Variants in LMCD1 observed in about 807,000 individuals in gnomAD.
LMCD1 encodes LIM and cysteine-rich domains protein 1.
LMCD1 carries 32 observed loss-of-function variants against 42.7 expected under a neutral mutation model. The ratio of observed to expected loss-of-function variants is 0.75; its 90% CI spans 0.57 to 1.01. The LOEUF (loss-of-function observed/expected upper bound fraction) is 1.01. Ranked by LOEUF, LMCD1 falls within the 50% of genes least tolerant of loss-of-function variation. LMCD1 has a pLI of 0.00. For synonymous variants in LMCD1, 178 were observed against 184.9 expected, an observed-to-expected ratio of 0.96 and a Z score of 0.30; for missense variants, 458 against 483.1, an observed-to-expected ratio of 0.95 and a Z score of 0.49.
intron 1 of LMCD1, among the ~76,000 whole-genome samples, chr3:8,519,431 G>T (rs1694158711): frequency 6.6e-6 from 1 of 152,198 alleles, no homozygotes; most frequent in Admixed American, 6.5e-5. Flanking sequence ...AAGTAACTTG[G>T]CTTCTGTAGT....
intron 1 of LMCD1, among the ~76,000 whole-genome samples, chr3:8,502,370 AATATAT>A (rs60769903): frequency 1.5e-5 from 1 of 66,020 alleles, no homozygotes; most frequent in Non-Finnish European, 2.9e-5. Context: ...TATTATATAA[AATATAT>A]ATAATATATA....
chr3:8,565,721 G>A (rs538530949), intron 5 of LMCD1, 74 bp downstream of exon 5: 7 of 1,369,480 alleles, frequency 5.1e-6, no homozygotes, highest in Non-Finnish European at 7.1e-6. Context: ...AGGCCAAGAG[G>A]AGCATGGCTT....
intron 4 of LMCD1, chr3:8,550,510 C>G: frequency 1.0e-6 from 1 of 985,052 alleles, no homozygotes; most frequent in South Asian, 4.7e-5. Flanking sequence ...AACCTGCATC[C>G]TCCATCTCCA....
chr3:8,539,218 AG>A (rs1457215444), intron 3 of LMCD1, among the ~76,000 whole-genome samples: 2 of 152,190 alleles, frequency 1.3e-5, no homozygotes, highest in African/African-American at 4.8e-5. Context: ...CTGTTGCCTT[AG>A]GGGGGAAAAT....
intron 4 of LMCD1, among the ~76,000 whole-genome samples, chr3:8,552,866 G>A (rs1377792914): frequency 1.3e-4 from 20 of 152,184 alleles, no homozygotes; most frequent in Admixed American, 1.3e-3. Context: ...TGGGACTACA[G>A]GCACCTGCCA....
In LMCD1 at chr3:8,551,744, CT is replaced by C. The variant is rs1694843381; in HGVS notation, c.723+2842del. On this transcript the variant is annotated intron_variant, in intron 4 of 5. Transcript: ENST00000157600. ...CCATTAGGAGTGGGTGTGGGCTGCA[CT>C]CCCTGACCCGTCTGCCTTGCCTCAC... Among the ~76,000 whole-genome samples, 3 of 152,344 alleles carry C rather than the reference CT, an allele frequency of 2.0e-5. No individual in the cohort carries two copies. The South Asian group carries it at 6.2e-4, about 32-fold the overall frequency.
chr3:8,514,302 C>T (rs73127946), intron 1 of LMCD1, among the ~76,000 whole-genome samples: 2 of 151,932 alleles, frequency 1.3e-5, no homozygotes, highest in African/African-American at 2.4e-5. Flanking sequence ...GAAAAACAAA[C>T]GCACAATGAG....
intron 4 of LMCD1, among the ~76,000 whole-genome samples, chr3:8,564,887 G>T (rs1404401180): frequency 1.3e-5 from 2 of 152,212 alleles, no homozygotes; most frequent in Admixed American, 6.5e-5. Flanking sequence ...CAAAAGATGG[G>T]CTGCAGAAGC....
intron 2 of LMCD1, among the ~76,000 whole-genome samples, chr3:8,534,224 A>G (rs902668424): frequency 2.0e-5 from 3 of 151,918 alleles, no homozygotes; most frequent in East Asian, 3.9e-4. Flanking sequence ...AGTCAATTCA[A>G]TCAGTTTTCC....
intron 2 of LMCD1, among the ~76,000 whole-genome samples, chr3:8,533,181 T>C (rs1263474344): frequency 6.6e-6 from 1 of 152,034 alleles, no homozygotes; most frequent in Non-Finnish European, 1.5e-5. Context: ...TGGGGTGATC[T>C]CCCCTCACTG....
intron 1 of LMCD1, among the ~76,000 whole-genome samples, chr3:8,509,169 C>A (rs1308709863): frequency 6.6e-6 from 1 of 152,138 alleles, no homozygotes; most frequent in Non-Finnish European, 1.5e-5. Flanking sequence ...GTTATGGATA[C>A]CCCCTCTCAT....
chr3:8,555,557 C>T (rs1488039953), intron 4 of LMCD1, among the ~76,000 whole-genome samples: 1 of 152,200 alleles, frequency 6.6e-6, no homozygotes, highest in African/African-American at 2.4e-5. Context: ...ACTATGGTTA[C>T]CAGCTTCTCG....
chr3:8,519,206 T>C (rs890858294), intron 1 of LMCD1, among the ~76,000 whole-genome samples: 1 of 152,208 alleles, frequency 6.6e-6, no homozygotes, highest in Non-Finnish European at 1.5e-5. Flanking sequence ...TCATGGTAGA[T>C]ACTACAAAAT....
intron 3 of LMCD1, among the ~76,000 whole-genome samples, chr3:8,540,997 A>G (rs1262402222): frequency 1.3e-5 from 2 of 152,012 alleles, no homozygotes; most frequent in Non-Finnish European, 2.9e-5. Flanking sequence ...GGTCACCACT[A>G]TGGACTGGGG....
At chr3:8,557,971 G>A (rs751781667) in intron 4 of LMCD1, among the ~76,000 whole-genome samples, 7 of 152,126 alleles carry the variant, frequency 4.6e-5, no homozygotes, top group Admixed American at 1.3e-4. Flanking sequence ...CTTGACCTCC[G>A]AGGTCTCTCC....
rs568604398 is a variant in LMCD1 at position 8,543,210 on chromosome 3, C to T, written c.388-5358C>T. Among the ~76,000 whole-genome samples, 162 of 152,302 alleles carry T rather than the reference C, an allele frequency of 1.1e-3. 1 individual carries two copies. The Middle Eastern group carries it at 0.014, about 13-fold the overall frequency. On this transcript the variant is annotated intron_variant, in intron 3 of 5. Coordinates refer to ENST00000157600, the MANE Select transcript of LMCD1 (RefSeq NM_014583.4). The stretch of plus-strand genomic sequence containing the variant: ...GTTGCCACCCAAGGCTACACCCTAA[C>T]GCATCTCTGCAGGGCTCTGTGCCTG...
chr3:8,537,142 T>A lies in LMCD1; in HGVS notation c.132-43T>A, dbSNP rs1247705005. ...GCTAGCAGGAGAATGTGCCTCTTTT[T>A]CCTGGAGGTTAATCTCACTGGTCCC... On this transcript the variant is annotated intron_variant, in intron 2 of 5. Transcript: ENST00000157600. The A allele has an allele frequency of 5.0e-6, 8 of 1,590,824 alleles. No homozygotes were observed. In the Admixed American group the frequency reaches 5.1e-5, roughly 10 times the overall value.
At chr3:8,520,394 C>G (rs1366698059) in intron 1 of LMCD1, among the ~76,000 whole-genome samples, 1 of 152,080 alleles carries the variant, frequency 6.6e-6, no homozygotes, top group Non-Finnish European at 1.5e-5. Context: ...AGGGCAGAAA[C>G]CTAAGAACCA....
rs936724098 is a variant in LMCD1, at chr3:8,548,980, G to A, written c.723+77G>A. The A allele has an allele frequency of 8.2e-6, 9 of 1,093,122 alleles. No individual in the cohort carries two copies. The Admixed American group carries it at 2.5e-4, about 31-fold the overall frequency. The allele number at this position is 1,093,122 out of a possible 1,614,324, so 67.7% of individuals were successfully genotyped here. A position where few individuals can be genotyped will look rare whatever the true frequency, so the allele number is the denominator to read the frequency against. Reference sequence around the variant, plus strand: ...TGGACAGTCAGGGCCCCATCACGGGGCTTTGTTCCCTCATTCATGCATTTA... The same window carrying A: ...TGGACAGTCAGGGCCCCATCACGGGACTTTGTTCCCTCATTCATGCATTTA... On this transcript the variant is annotated intron_variant, in intron 4 of 5. Transcript: ENST00000157600.
Sources: allele counts gnomAD v4.1 joint callset (sites outside exome capture counted in the v4.1 genomes callset), GRCh38; gene constraint gnomAD v4.1.1; transcripts MANE v1.5; gene names NCBI Gene and HGNC (gene_info 2026-07-23, HGNC 2026-07-21).